The following MICALL1 variants were observed in gnomAD, a reference collection of about 807,000 sequenced individuals.
The protein encoded by MICALL1 is MICAL-like protein 1.
In MICALL1, 61 loss-of-function variants were observed where a neutral mutation model predicts 83.7. The ratio of observed to expected loss-of-function variants is 0.73; its 90% CI spans 0.59 to 0.90. The LOEUF is 0.90. Ranked by LOEUF, MICALL1 falls within the 40% of genes least tolerant of loss-of-function variation. MICALL1 has a pLI of 0.00. For missense variants in MICALL1, 1,066 were observed against 1,152.0 expected, an observed-to-expected ratio of 0.93 and a Z score of 1.08; for synonymous variants, 481 against 473.6, an observed-to-expected ratio of 1.02 and a Z score of -0.20.
At chr22:37,937,622 C>G (rs952930466) in intron 14 of MICALL1, 124 bp from the exon 15 acceptor site, 9 of 914,126 alleles carry the variant, frequency 9.8e-6, no homozygotes, top group Admixed American at 2.4e-5. Flanking sequence ...TGGGGTTTCA[C>G]CATGTTGGCT....
Position 37,924,606 on chromosome 22 carries a change from G to C in MICALL1, c.1025-54G>C, listed in dbSNP as rs1929302364. 1.3e-6 allele frequency: 2 copies of C among 1,574,392 alleles called. No homozygotes were observed. The highest frequency in any genetic ancestry group is 1.4e-5 in the African/African-American group (1 of 73,906). Reference sequence around the variant, plus strand: ...GCAGGTGCTGTGGCTGGCTCCCTGGGTGCCCACCTCCTGCTGCCCATGAAG... The same window carrying C: ...GCAGGTGCTGTGGCTGGCTCCCTGGCTGCCCACCTCCTGCTGCCCATGAAG... On this transcript the variant is annotated intron_variant, in intron 6 of 15. Transcript: ENST00000215957. This position sits in a 1 kb window ranked among gnomAD's most constrained non-coding sequence, Gnocchi z 5.2.
chr22:37,922,043 G>T lies in MICALL1; in HGVS notation c.641G>T (p.Cys214Phe). The T allele has an allele frequency of 6.2e-7, 1 of 1,613,418 alleles. No individual in the cohort carries two copies. The highest frequency in any genetic ancestry group is 8.5e-7 in the Non-Finnish European group (1 of 1,179,914). ...ENGPEEGTFV[C>F]AEHCARLGPG... ...GGGCCTGAGGAGGGCACCTTTGTGT[G>T]TGCAGAACACTGTGCCAGGCTGGGC... Residue 214 changes from cysteine to phenylalanine, a missense_variant, in exon 6 of 16, where the codon TGT becomes TTT. By Grantham distance (205) the Cys-to-Phe change is radical. Coordinates refer to ENST00000215957, the MANE Select transcript of MICALL1 (RefSeq NM_033386.4).
intron 1 of MICALL1, among the ~76,000 whole-genome samples, chr22:37,911,563 G>A (rs1287175271): frequency 6.6e-6 from 1 of 152,196 alleles, no homozygotes; most frequent in East Asian, 1.9e-4. Context: ...CCAGCACTGC[G>A]CCCTGGGGGA....
chr22:37,909,502 G>A (rs976512902), intron 1 of MICALL1, among the ~76,000 whole-genome samples: 24 of 152,160 alleles, frequency 1.6e-4, no homozygotes, highest in Admixed American at 1.4e-3. Context: ...GGGACTACAG[G>A]TGCCCGCCAC....
At chr22:37,923,621 G>T (rs1929235325) in intron 6 of MICALL1, among the ~76,000 whole-genome samples, 1 of 152,204 alleles carries the variant, frequency 6.6e-6, no homozygotes, top group Admixed American at 6.5e-5. Flanking sequence ...AAACAATACA[G>T]ACCCAGGCCC....
At chr22:37,910,096 A>G (rs1296546877) in intron 1 of MICALL1, among the ~76,000 whole-genome samples, 1 of 152,236 alleles carries the variant, frequency 6.6e-6, no homozygotes, top group Non-Finnish European at 1.5e-5. Flanking sequence ...AGAGCCAAGT[A>G]GAACTCCGCA....
rs1929870801 is a variant in MICALL1, at chr22:37,932,817, G to C, written c.2163G>C (p.Met721Ile). ...GGLNEGREDD[M>I]LVDWFKLIHE... Reference sequence around the variant, plus strand: ...TTCCAGAGGGCCGTGAGGATGACATGCTGGTGGACTGGTTCAAGCTCATCC... The same window carrying C: ...TTCCAGAGGGCCGTGAGGATGACATCCTGGTGGACTGGTTCAAGCTCATCC... The change falls in exon 12 of 16, where the codon ATG becomes ATC. Residue 721 changes from methionine (M) to isoleucine (I), a missense_variant. Coordinates refer to ENST00000215957, the MANE Select transcript of MICALL1 (RefSeq NM_033386.4). The surrounding 1 kb of genome is among the most constrained non-coding windows in gnomAD (Gnocchi z 4.4). 1 of 1,614,096 alleles carries C rather than the reference G, an allele frequency of 6.2e-7. No individual in the cohort carries two copies. The highest frequency in any genetic ancestry group is 8.5e-7 in the Non-Finnish European group (1 of 1,180,010).
chr22:37,920,220 TA>T (rs1000242558), intron 5 of MICALL1, among the ~76,000 whole-genome samples: 1 of 151,644 alleles, frequency 6.6e-6, no homozygotes, highest in Non-Finnish European at 1.5e-5. Context: ...GCAAGGAAAG[TA>T]AAAAAACTTA....
rs376153803 is a variant in MICALL1 at position 37,919,670 on chromosome 22, T to A, written c.569+492T>A. On this transcript the variant is annotated intron_variant, in intron 5 of 15. Transcript: ENST00000215957. ...AAAAAAAAAAAGGCCATTGAAAAAA[T>A]AAAATGAAATATTTTAGCTTAAAAA... Among the ~76,000 whole-genome samples, 764 of 126,442 alleles carry A rather than the reference T, an allele frequency of 6.0e-3. 6 individuals are homozygous for A. The highest frequency in any genetic ancestry group is 0.021 in the African/African-American group (717 of 33,986). The allele number at this position is 126,442 out of a possible 152,430, so 83.0% of individuals were successfully genotyped here. A position where few individuals can be genotyped will look rare whatever the true frequency, so the allele number is the denominator to read the frequency against.
rs1929325785 is a variant in MICALL1, at chr22:37,924,897, G to A, written c.1082+180G>A. 6.6e-6 allele frequency among the ~76,000 whole-genome samples: 1 copy of A among 152,172 alleles called. No homozygotes were observed. Among genetic ancestry groups the A allele is most frequent in the African/African-American group, 2.4e-5 (1 of 41,446 alleles). The stretch of plus-strand genomic sequence containing the variant: ...GCTCACCCCGGGATTCCTGCGGCCA[G>A]TGCCTGGCCCCCTCCCCAGGTCCCT... On this transcript the variant is annotated intron_variant, in intron 7 of 15. Coordinates refer to ENST00000215957, the MANE Select transcript of MICALL1 (RefSeq NM_033386.4). The surrounding 1 kb of genome is among the most constrained non-coding windows in gnomAD (Gnocchi z 5.2).
chr22:37,920,023 CT>C (rs1928927001), intron 5 of MICALL1, among the ~76,000 whole-genome samples: 1 of 151,988 alleles, frequency 6.6e-6, no homozygotes, highest in South Asian at 2.1e-4. Context: ...GATGGGTCTA[CT>C]ATGTTGCCCA....
intron 13 of MICALL1, among the ~76,000 whole-genome samples, chr22:37,934,167 C>T (rs1053680233): frequency 1.3e-5 from 2 of 152,208 alleles, no homozygotes; most frequent in East Asian, 1.9e-4. Context: ...TTCCAGCCCC[C>T]GTGTGGTGGC....
At chr22:37,927,220 G>A (rs1929499718) in intron 8 of MICALL1, 191 bp from the exon 9 acceptor site, 1 of 612,112 alleles carries the variant, frequency 1.6e-6, no homozygotes, top group African/African-American at 1.8e-5. Context: ...TTGGACTCGG[G>A]TGGCTGGATG....
At chr22:37,916,797 C>T (rs1447405333) in intron 3 of MICALL1, among the ~76,000 whole-genome samples, 1 of 152,198 alleles carries the variant, frequency 6.6e-6, no homozygotes, top group Non-Finnish European at 1.5e-5. Flanking sequence ...CCAGCTTCTT[C>T]ATGTGGCTTC....
Position 37,925,667 on chromosome 22 carries a change from A to T in MICALL1, c.1089A>T (p.Pro363=). The T allele has an allele frequency of 1.3e-6, 2 of 1,519,770 alleles. No homozygotes were observed. Among genetic ancestry groups the T allele is most frequent in the Non-Finnish European group, 1.8e-6 (2 of 1,125,442 alleles). The allele number at this position is 1,519,770 out of a possible 1,614,324, so 94.1% of individuals were successfully genotyped here. A position where few individuals can be genotyped will look rare whatever the true frequency, so the allele number is the denominator to read the frequency against. The change falls in exon 8 of 16, where the codon CCA becomes CCT. Residue 363 remains proline (P), a synonymous_variant. Transcript: ENST00000215957. The part of the protein sequence containing the change: ...RGTPKPSEGT[P]APRKDPPWIT... ...TGCTTCCCCCCTCCTCCAGGACACC[A>T]GCCCCCAGGAAGGACCCCCCATGGA...
rs576976408 is a variant in MICALL1, at chr22:37,911,995, C to T, written c.190C>T (p.Arg64Cys). 25 of 1,614,076 alleles carry T rather than the reference C, an allele frequency of 1.5e-5. No individual in the cohort carries two copies. Among genetic ancestry groups the T allele is most frequent in the African/African-American group, 2.7e-5 (2 of 75,020 alleles). ...CAAGGACAATGTCTTCGAGAATAAC[C>T]GTTTGGTAAGTTCCCGGACAGGTGG... ...LSKDNVFENN[R>C]LAFEVAEKEL... The change falls in exon 2 of 16, where the codon CGT becomes TGT. Residue 64 changes from arginine (R) to cysteine (C), a missense_variant. By Grantham distance (180) the Arg-to-Cys change is radical (BLOSUM62 -3). Transcript: ENST00000215957.
At chr22:37,920,959 G>C (rs554867100) in intron 5 of MICALL1, among the ~76,000 whole-genome samples, 4 of 151,630 alleles carry the variant, frequency 2.6e-5, no homozygotes, top group Non-Finnish European at 5.9e-5. Context: ...GTAGTGGCAC[G>C]CACCTGTAGT....
intron 3 of MICALL1, among the ~76,000 whole-genome samples, chr22:37,915,534 A>G (rs530739269): frequency 2.5e-3 from 388 of 152,222 alleles, no homozygotes; most frequent in Admixed American, 4.3e-3. Context: ...ACTCTGCCTC[A>G]GTTTCCCTTT....
chr22:37,933,143 C>G, intron 13 of MICALL1, 31 bp downstream of exon 13: 1 of 1,606,406 alleles, frequency 6.2e-7, no homozygotes, highest in Non-Finnish European at 8.5e-7. Context: ...TCCCCTGGCA[C>G]CTGCCCTGGG....
Sources: gnomAD v4.1 joint callset for allele counts (sites outside exome capture counted in the v4.1 genomes callset) on GRCh38, gnomAD v4.1.1 for gene constraint, Gnocchi (gnomAD v3.1) non-coding constraint, MANE v1.5 for transcripts, NCBI Gene and HGNC (gene_info 2026-07-23, HGNC 2026-07-21) for gene names.